Variants in PLCXD2 observed in about 807,000 individuals in gnomAD.
The protein encoded by PLCXD2 is PI-PLC X domain-containing protein 2.
Under a neutral mutation model 28.6 loss-of-function variants are expected in PLCXD2, and 21 were observed. The observed-to-expected ratio is 0.73, with a 90% CI of 0.52 to 1.06. PLCXD2 has a LOEUF of 1.06. Ranked by LOEUF, PLCXD2 falls within the 50% of genes least tolerant of loss-of-function variation. PLCXD2 has a pLI of 0.00. For missense variants in PLCXD2, 369 were observed against 376.7 expected, an observed-to-expected ratio of 0.98 and a Z score of 0.17; for synonymous variants, 140 against 150.1, an observed-to-expected ratio of 0.93 and a Z score of 0.49.
rs142823945 is a variant in PLCXD2, at chr3:111,683,531, T to A, written c.163+8123T>A. 2.5e-3 allele frequency among the ~76,000 whole-genome samples: 377 copies of A among 152,294 alleles called. 3 individuals are homozygous for A. The highest frequency in any genetic ancestry group is 8.6e-3 in the African/African-American group (359 of 41,550). On this transcript the variant is annotated intron_variant, in intron 1 of 4. Transcript: ENST00000477665. ...AAAATGACCCAGCAGTTATTAGGGA[T>A]ACTGTGGGTTAAGATGAGAAACTCA... is the stretch of plus-strand genomic sequence containing the variant.
chr3:111,698,098 C>T (rs1313577843), intron 1 of PLCXD2, among the ~76,000 whole-genome samples: 1 of 152,042 alleles, frequency 6.6e-6, no homozygotes, highest in Non-Finnish European at 1.5e-5. Flanking sequence ...TATTTAAAAA[C>T]CAGAATTATT....
chr3:111,715,120 G>C (rs1271946933), intron 3 of PLCXD2, among the ~76,000 whole-genome samples: 1 of 152,162 alleles, frequency 6.6e-6, no homozygotes, highest in Non-Finnish European at 1.5e-5. Flanking sequence ...TTCTTGGTGA[G>C]AGCTCCTGAT....
intron 3 of PLCXD2, among the ~76,000 whole-genome samples, chr3:111,716,302 G>A (rs1379840577): frequency 2.0e-5 from 3 of 152,132 alleles, no homozygotes; most frequent in Non-Finnish European, 2.9e-5. Flanking sequence ...CCAACACCCA[G>A]AGGGTCTGTC....
At chr3:111,706,530 A>G (rs371316871) in intron 1 of PLCXD2, among the ~76,000 whole-genome samples, 34 of 152,336 alleles carry the variant, frequency 2.2e-4, no homozygotes, top group African/African-American at 7.2e-4. Flanking sequence ...AAGAATATAC[A>G]AAGTAATTAG....
chr3:111,677,027 G>C (rs562765552), intron 1 of PLCXD2: 13 of 152,292 alleles, frequency 8.5e-5, no homozygotes, highest in African/African-American at 3.1e-4. Context: ...GAATTGCTTG[G>C]GTAGCGGGGG....
rs760222971 is a variant in PLCXD2, at chr3:111,675,380, C to A, written c.135C>A (p.Asn45Lys). ...CCTCGCTCCCCCCTCACCTCCACAA[C>A]CTCCCCCTTTCCAATCTGGCAATCC... Residue 45 changes from asparagine (N) to lysine (K), a missense_variant, in exon 1 of 5, where the codon AAC becomes AAA. By Grantham distance (94) the Asn-to-Lys change is moderately conservative (BLOSUM62 0). Coordinates refer to ENST00000477665, the MANE Select transcript of PLCXD2 (RefSeq NM_001185106.1). 6.2e-7 allele frequency: 1 copy of A among 1,614,178 alleles called. No individual in the cohort carries two copies. The highest frequency in any genetic ancestry group is 1.1e-5 in the South Asian group (1 of 91,082).
At chr3:111,700,199 G>T (rs1435905685) in intron 1 of PLCXD2, among the ~76,000 whole-genome samples, 1 of 152,130 alleles carries the variant, frequency 6.6e-6, no homozygotes, top group East Asian at 1.9e-4. Context: ...ATGCATCTAA[G>T]GTTGAGGATC....
At chr3:111,697,288 T>C (rs147076281) in intron 1 of PLCXD2, among the ~76,000 whole-genome samples, 10 of 152,306 alleles carry the variant, frequency 6.6e-5, no homozygotes, top group African/African-American at 2.4e-4. Flanking sequence ...GAGCTGTGCA[T>C]TAGCGCTCTC....
chr3:111,701,043 T>G (rs1261106403), intron 1 of PLCXD2, among the ~76,000 whole-genome samples: 1 of 152,074 alleles, frequency 6.6e-6, no homozygotes. Context: ...GCTAATAAGA[T>G]AGAGAGGAAC....
At chr3:111,689,344 A>G (rs761781637) in intron 1 of PLCXD2, among the ~76,000 whole-genome samples, 3 of 152,230 alleles carry the variant, frequency 2.0e-5, no homozygotes, top group Non-Finnish European at 4.4e-5. Context: ...AAAGTTACGG[A>G]AAGACAGACA....
chr3:111,722,106 G>T (rs1941353645), intron 3 of PLCXD2: 3 of 152,164 alleles, frequency 2.0e-5, no homozygotes, highest in Non-Finnish European at 4.4e-5. Context: ...TACTGCATGA[G>T]GACTTTGAAA....
At chr3:111,705,756 T>C (rs1941109423) in intron 1 of PLCXD2, among the ~76,000 whole-genome samples, 1 of 152,136 alleles carries the variant, frequency 6.6e-6, no homozygotes, top group Non-Finnish European at 1.5e-5. Flanking sequence ...CCTTGATGAT[T>C]AGCGACATGG....
rs201201473 is a variant in PLCXD2, at chr3:111,699,223, C to T, written c.164-8703C>T. 2.0e-5 allele frequency among the ~76,000 whole-genome samples: 3 copies of T among 152,308 alleles called. No individual in the cohort carries two copies. In the East Asian group the frequency reaches 5.8e-4, roughly 29 times the overall value. ...TATAAGCTTCACTTAACTCTTGTCT[C>T]AATCTTCCCTCCATGGCTACAAGTG... On this transcript the variant is annotated intron_variant, in intron 1 of 4. Transcript: ENST00000477665.
At chr3:111,722,569 T>G (rs1354605066) in intron 3 of PLCXD2, 2 of 152,218 alleles carry the variant, frequency 1.3e-5, no homozygotes, top group Non-Finnish European at 2.9e-5. Context: ...TGTGTGCACT[T>G]TGTTGCTCCT....
intron 3 of PLCXD2, among the ~76,000 whole-genome samples, chr3:111,718,572 T>C (rs1333893972): frequency 1.3e-5 from 2 of 152,028 alleles, no homozygotes; most frequent in Non-Finnish European, 1.5e-5. Flanking sequence ...CCGTGGCTGA[T>C]TGTAGAGTCC....
intron 3 of PLCXD2, chr3:111,721,147 T>C (rs1231011523): frequency 8.6e-6 from 2 of 231,582 alleles, no homozygotes; most frequent in Non-Finnish European, 1.7e-5. Context: ...CAGTGGCTTA[T>C]GGTGGTGAAT....
chr3:111,696,385 G>A (rs898440513), intron 1 of PLCXD2, among the ~76,000 whole-genome samples: 2 of 152,064 alleles, frequency 1.3e-5, no homozygotes, highest in African/African-American at 4.8e-5. Flanking sequence ...TTTTGCTGTT[G>A]CTGGGCAGGG....
chr3:111,701,218 A>C (rs184283712), intron 1 of PLCXD2, among the ~76,000 whole-genome samples: 24 of 152,372 alleles, frequency 1.6e-4, no homozygotes, highest in African/African-American at 4.8e-4. Context: ...TGTTCAAAGC[A>C]CTTTGCTTAC....
intron 2 of PLCXD2, among the ~76,000 whole-genome samples, chr3:111,712,507 G>T (rs16858451): frequency 6.6e-6 from 1 of 152,130 alleles, no homozygotes; most frequent in African/African-American, 2.4e-5. Flanking sequence ...TTAACACACC[G>T]GTTTACCACA....
Sources: allele counts gnomAD v4.1 joint callset (sites outside exome capture counted in the v4.1 genomes callset), GRCh38; gene constraint gnomAD v4.1.1; transcripts MANE v1.5; gene names NCBI Gene and HGNC (gene_info 2026-07-23, HGNC 2026-07-21).